Variants in ITIH2 observed in about 807,000 individuals in gnomAD.
ITIH2 encodes inter-alpha-trypsin inhibitor heavy chain H2.
ITIH2 carries 103 observed loss-of-function variants against 104.4 expected under a neutral mutation model. The ratio of observed to expected loss-of-function variants is 0.99; its 90% CI spans 0.84 to 1.16. ITIH2 has a LOEUF of 1.16. Among genes scored for constraint, ITIH2 ranks in the 50% most tolerant of loss-of-function variants. The probability of loss-of-function intolerance (pLI) is 0.00; values close to 1 mark genes in which losing one functional copy is unlikely to be tolerated. For missense variants in ITIH2, 1,108 were observed against 1,162.4 expected, an observed-to-expected ratio of 0.95 and a Z score of 0.68; for synonymous variants, 436 against 435.4, an observed-to-expected ratio of 1.00 and a Z score of -0.02.
In ITIH2 at chr10:7,737,678, T is replaced by TA. The variant is rs754418959; in HGVS notation, c.1958-943_1958-942insA. On this transcript the variant is annotated intron_variant, in intron 15 of 20. Transcript: ENST00000358415. ...TTATATTCTATATTATATTCTATAT[T>TA]TTCTATATTATATTCTATATAATAT... 6.6e-3 allele frequency among the ~76,000 whole-genome samples: 103 copies of TA among 15,656 alleles called. 12 individuals are homozygous for TA. The highest frequency in any genetic ancestry group is 0.019 in the African/African-American group (68 of 3,522). 10.3% of individuals were successfully genotyped at this position (15,656 alleles called of 152,430 possible).
intron 9 of ITIH2, among the ~76,000 whole-genome samples, chr10:7,723,958 G>A (rs1404570314): frequency 6.6e-6 from 1 of 151,422 alleles, no homozygotes; most frequent in Admixed American, 6.6e-5. Context: ...TCTTCCACAT[G>A]TTTTATTATA....
chr10:7,740,189 A>G (rs755000726), intron 16 of ITIH2, among the ~76,000 whole-genome samples: 10 of 152,180 alleles, frequency 6.6e-5, no homozygotes, highest in Non-Finnish European at 1.3e-4. Context: ...CTGTCTCAAA[A>G]TAAAATAGGA....
At chr10:7,744,992 G>C (rs1438256067) in intron 19 of ITIH2, 29 bp downstream of exon 19, 1 of 1,596,866 alleles carries the variant, frequency 6.3e-7, no homozygotes, top group South Asian at 1.1e-5. Context: ...ATCTGACAAG[G>C]GTGGGGCCGC....
chr10:7,743,364 T>C, intron 17 of ITIH2, 105 bp downstream of exon 17: 1 of 651,816 alleles, frequency 1.5e-6, no homozygotes, highest in South Asian at 2.0e-5. Flanking sequence ...GTTCTATATA[T>C]TTCAGTGATA....
intron 4 of ITIH2, 31 bp from the exon 5 acceptor site, chr10:7,713,150 G>A: frequency 1.3e-6 from 2 of 1,518,208 alleles, no homozygotes; most frequent in Non-Finnish European, 1.8e-6. Context: ...TTACTATTCT[G>A]ACCAACTGGT....
In ITIH2 at chr10:7,741,173, GTTTTTTTTTTTTT is replaced by G. The variant is rs34408370; in HGVS notation, c.2096-1963_2096-1951del. On this transcript the variant is annotated intron_variant, in intron 16 of 20. Coordinates refer to ENST00000358415, the MANE Select transcript of ITIH2 (RefSeq NM_002216.3). ...GAGGATATCATAATGATTGTTTAAG[GTTTTTTTTTTTTT>G]TTTTTTTTTGAGACAGAGTTTCACT... is the stretch of plus-strand genomic sequence containing the variant. Among the ~76,000 whole-genome samples, 7 of 100,242 alleles carry G rather than the reference GTTTTTTTTTTTTT, an allele frequency of 7.0e-5. No homozygotes were observed. The East Asian group carries it at 2.3e-3, about 32-fold the overall frequency. 65.8% of individuals were successfully genotyped at this position (100,242 alleles called of 152,430 possible).
rs148172382 is a variant in ITIH2 at position 7,713,263 on chromosome 10, G to A, written c.445G>A (p.Gly149Ser). ...RALYAQARAK[G>S]KTAGLVRSSA... Reference sequence around the variant, plus strand: ...TCTTTATGCACAGGCCAGAGCAAAAGGCAAGACGGCTGGCTTGGTGAGGTA... The same window carrying A: ...TCTTTATGCACAGGCCAGAGCAAAAAGCAAGACGGCTGGCTTGGTGAGGTA... The change falls in exon 5 of 21, where the codon GGC (glycine) becomes AGC (serine). Residue 149 changes from glycine to serine, a missense_variant. Coordinates refer to ENST00000358415, the MANE Select transcript of ITIH2 (RefSeq NM_002216.3). 10 of 1,613,994 alleles carry A rather than the reference G, an allele frequency of 6.2e-6. No homozygotes were observed. The African/African-American group carries it at 1.2e-4, about 19-fold the overall frequency.
intron 11 of ITIH2, 196 bp from the exon 12 acceptor site, chr10:7,729,756 T>C: frequency 2.1e-6 from 1 of 466,978 alleles, no homozygotes; most frequent in Non-Finnish European, 3.8e-6. Flanking sequence ...ATAATGTTGC[T>C]ATGCAACACA....
intron 2 of ITIH2, among the ~76,000 whole-genome samples, chr10:7,706,753 G>A (rs1834751006): frequency 6.6e-6 from 1 of 152,142 alleles, no homozygotes; most frequent in African/African-American, 2.4e-5. Flanking sequence ...GATCTGAAGG[G>A]TGAGTAGGAG....
intron 4 of ITIH2, among the ~76,000 whole-genome samples, chr10:7,709,707 C>T (rs1376149864): frequency 6.6e-6 from 1 of 152,222 alleles, no homozygotes; most frequent in Non-Finnish European, 1.5e-5. Context: ...CAGTGATTGA[C>T]AGCTCTGTTA....
At chr10:7,725,581 T>C (rs1834944318) in intron 9 of ITIH2, among the ~76,000 whole-genome samples, 1 of 152,216 alleles carries the variant, frequency 6.6e-6, no homozygotes, top group Admixed American at 6.5e-5. Flanking sequence ...AAGTGAAAGA[T>C]GCCCCAGGAC....
At chr10:7,741,000 T>C (rs1173111663) in intron 16 of ITIH2, among the ~76,000 whole-genome samples, 1 of 152,328 alleles carries the variant, frequency 6.6e-6, no homozygotes, top group East Asian at 1.9e-4. Flanking sequence ...CAACTCAATA[T>C]GGCAGCACAG....
chr10:7,709,531 G>T (rs2131153261), intron 4 of ITIH2, among the ~76,000 whole-genome samples: 1 of 151,962 alleles, frequency 6.6e-6, no homozygotes. Context: ...TGCACAGCAG[G>T]TCAATGCCAT....
chr10:7,710,278 T>A (rs1184801322), intron 4 of ITIH2, among the ~76,000 whole-genome samples: 1 of 152,242 alleles, frequency 6.6e-6, no homozygotes, highest in East Asian at 1.9e-4. Context: ...TTCCCTCTAT[T>A]TTCTGTGTGT....
chr10:7,721,634 C>A lies in ITIH2; in HGVS notation c.739-15C>A. 1 of 1,611,406 alleles carries A rather than the reference C, an allele frequency of 6.2e-7. No individual in the cohort carries two copies. Among genetic ancestry groups the A allele is most frequent in the South Asian group, 1.1e-5 (1 of 90,734 alleles). On this transcript the variant is annotated splice_polypyrimidine_tract_variant and intron_variant, in intron 7 of 20. Transcript: ENST00000358415. ...GGGCTAGAGGCAGAGGCTCTGATGTCACCGTTCTTTCTAGGCGCACGTCTC... is the reference window on the plus strand; with the variant it reads ...GGGCTAGAGGCAGAGGCTCTGATGTAACCGTTCTTTCTAGGCGCACGTCTC...
At chr10:7,723,250 C>A (rs546896714) in intron 8 of ITIH2, among the ~76,000 whole-genome samples, 1 of 151,498 alleles carries the variant, frequency 6.6e-6, no homozygotes, top group Admixed American at 6.6e-5. Context: ...TGGAGTGGAG[C>A]GGAATGTTCT....
chr10:7,705,083 A>G, intron 1 of ITIH2, 25 bp from the exon 2 acceptor site: 1 of 1,479,882 alleles, frequency 6.8e-7, no homozygotes, highest in South Asian at 1.2e-5. Context: ...AAAAAAAAAA[A>G]GTTAAAATCC....
chr10:7,706,412 G>A (rs1210099291), intron 2 of ITIH2, among the ~76,000 whole-genome samples: 4 of 152,086 alleles, frequency 2.6e-5, no homozygotes, highest in Non-Finnish European at 5.9e-5. Context: ...CAAGGGAATC[G>A]CCTTTGTTCA....
chr10:7,718,526 A>G (rs1025774456), intron 6 of ITIH2, among the ~76,000 whole-genome samples: 4 of 148,988 alleles, frequency 2.7e-5, no homozygotes, highest in African/African-American at 1.0e-4. Flanking sequence ...TTTCTCAGTT[A>G]TTTTTTTTTT....
Sources: allele counts gnomAD v4.1 joint callset (sites outside exome capture counted in the v4.1 genomes callset), GRCh38; gene constraint gnomAD v4.1.1; transcripts MANE v1.5; gene names NCBI Gene and HGNC (gene_info 2026-07-23, HGNC 2026-07-21).